Variants in SPAG17 observed in about 807,000 individuals in gnomAD.
The protein encoded by SPAG17 is sperm-associated antigen 17.
A neutral mutation model predicts 273.6 loss-of-function variants in SPAG17; 169 were observed. The ratio of observed to expected loss-of-function variants is 0.62; its 90% CI spans 0.55 to 0.70. SPAG17 has a LOEUF of 0.70. Ranked by LOEUF, SPAG17 falls within the 30% of genes least tolerant of loss-of-function variation. The pLI is 0.00. For synonymous variants in SPAG17, 825 were observed against 873.2 expected (o/e 0.94, Z 0.97); for missense variants, 2,557 against 2,627.8 (o/e 0.97, Z 0.59).
At chr1:118,024,099 C>A (rs1479493303) in intron 27 of SPAG17, among the ~76,000 whole-genome samples, 2 of 152,074 alleles carry the variant, frequency 1.3e-5, no homozygotes, top group East Asian at 3.9e-4. Context: ...TTTAGGTAAT[C>A]CTTTAAAGAT....
At chr1:117,988,735 A>C (rs1444794721) in intron 38 of SPAG17, among the ~76,000 whole-genome samples, 1 of 152,218 alleles carries the variant, frequency 6.6e-6, no homozygotes, top group Admixed American at 6.5e-5. Flanking sequence ...GATTTATCCA[A>C]GGTTAAATAG....
At chr1:118,106,972 G>A (rs1164660620) in intron 4 of SPAG17, among the ~76,000 whole-genome samples, 1 of 152,128 alleles carries the variant, frequency 6.6e-6, no homozygotes, top group Non-Finnish European at 1.5e-5. Context: ...TTGGGATTCT[G>A]GGATTCTGCA....
At chr1:118,011,068 G>T (rs1056217377) in intron 30 of SPAG17, among the ~76,000 whole-genome samples, 2 of 152,070 alleles carry the variant, frequency 1.3e-5, no homozygotes, top group African/African-American at 4.8e-5. Context: ...AGGCCAAAAA[G>T]TAACAGATGC....
At chr1:118,132,992 C>T (rs996356772) in intron 3 of SPAG17, among the ~76,000 whole-genome samples, 12 of 151,992 alleles carry the variant, frequency 7.9e-5, no homozygotes, top group African/African-American at 2.7e-4. Flanking sequence ...AGGATGGTCT[C>T]GATCTCTTGC....
At chr1:118,052,132 T>C (rs1651120756) in intron 20 of SPAG17, among the ~76,000 whole-genome samples, 1 of 146,266 alleles carries the variant, frequency 6.8e-6, no homozygotes, top group Non-Finnish European at 1.5e-5. Context: ...TACTATTATA[T>C]ATAAACTATA....
chr1:118,036,412 T>C (rs905802343), intron 24 of SPAG17, among the ~76,000 whole-genome samples: 3 of 152,074 alleles, frequency 2.0e-5, no homozygotes, highest in Admixed American at 6.6e-5. Context: ...TTTTATGGGG[T>C]AGTTAACAAG....
intron 48 of SPAG17, chr1:117,958,820 C>A: frequency 1.8e-6 from 1 of 544,402 alleles, no homozygotes; most frequent in East Asian, 4.2e-5. Context: ...TTTGTTGTTG[C>A]TTTGATATTG....
intron 1 of SPAG17, among the ~76,000 whole-genome samples, chr1:118,160,078 A>T (rs1659840352): frequency 6.6e-6 from 1 of 152,232 alleles, no homozygotes; most frequent in African/African-American, 2.4e-5. Context: ...GAGGAGACCA[A>T]GAAAAGCCAA....
intron 3 of SPAG17, among the ~76,000 whole-genome samples, chr1:118,123,687 CCA>C (rs1570734299): frequency 6.6e-6 from 1 of 152,278 alleles, no homozygotes; most frequent in East Asian, 1.9e-4. Context: ...TAAAATAATT[CCA>C]GTCATTGGAC....
At chr1:118,031,959 G>C (rs1310819828) in intron 24 of SPAG17, 92 bp from the exon 25 acceptor site, 1 of 1,017,000 alleles carries the variant, frequency 9.8e-7, no homozygotes, top group Non-Finnish European at 1.4e-6. Context: ...ATTTACACAA[G>C]TTGACAACAA....
At chr1:118,090,875 C>G (rs1655328873) in intron 10 of SPAG17, among the ~76,000 whole-genome samples, 1 of 150,998 alleles carries the variant, frequency 6.6e-6, no homozygotes, top group East Asian at 1.9e-4. Flanking sequence ...AGAGAGAGAC[C>G]CTGTCTTAAA....
intron 1 of SPAG17, among the ~76,000 whole-genome samples, chr1:118,183,810 A>G (rs1426009138): frequency 6.6e-6 from 1 of 152,220 alleles, no homozygotes; most frequent in Non-Finnish European, 1.5e-5. Context: ...TGGCCTACAC[A>G]ATCTCAAAGA....
intron 3 of SPAG17, among the ~76,000 whole-genome samples, chr1:118,146,361 T>C (rs1283007576): frequency 2.6e-5 from 4 of 152,210 alleles, no homozygotes; most frequent in Non-Finnish European, 5.9e-5. Context: ...AGATTTTCTA[T>C]GTGGGCCATA....
In SPAG17 at chr1:117,990,854, AACTT is replaced by A; in HGVS notation, c.5521+3_5521+6del. ...TATACTGCAGAAGAATATTAAATGC[AACTT>A]ACCTTCAGTAACATGACTTTTTGTA... is the stretch of plus-strand genomic sequence containing the variant. On this transcript the variant is annotated splice_donor_5th_base_variant and intron_variant, in intron 38 of 48. Coordinates refer to ENST00000336338, the MANE Select transcript of SPAG17 (RefSeq NM_206996.4). The A allele has an allele frequency of 6.4e-7, 1 of 1,559,476 alleles. No homozygotes were observed. The highest frequency in any genetic ancestry group is 8.7e-7 in the Non-Finnish European group (1 of 1,142,942).
intron 1 of SPAG17, among the ~76,000 whole-genome samples, chr1:118,154,074 G>C (rs556862297): frequency 1.3e-5 from 2 of 151,970 alleles, no homozygotes; most frequent in Non-Finnish European, 1.5e-5. Flanking sequence ...CGAAACTCAC[G>C]GGTCCCTGAA....
At chr1:118,046,404 A>G (rs1650359524) in intron 20 of SPAG17, among the ~76,000 whole-genome samples, 1 of 152,182 alleles carries the variant, frequency 6.6e-6, no homozygotes, top group Non-Finnish European at 1.5e-5. Flanking sequence ...TTTAATTTGT[A>G]GCAACACAAA....
intron 48 of SPAG17, among the ~76,000 whole-genome samples, chr1:117,958,125 A>G (rs546470224): frequency 3.3e-4 from 50 of 152,184 alleles, no homozygotes; most frequent in Non-Finnish European, 6.2e-4. Context: ...TGAAGACAAA[A>G]ACTGGTCAGC....
In SPAG17 at chr1:117,954,450, ACT is replaced by A. The variant is rs1440240165; in HGVS notation, c.*1-403_*1-402del. On this transcript the variant is annotated intron_variant, in intron 48 of 48. Coordinates refer to ENST00000336338, the MANE Select transcript of SPAG17 (RefSeq NM_206996.4). ...CTAACAGGTTTGATAATTCTTTTAC[ACT>A]CTGTCAGTTTTTTAGGGTCTCTTTT... The A allele has an allele frequency of 1.2e-5, 10 of 827,850 alleles. No homozygotes were observed. The East Asian group carries it at 2.6e-4, about 21-fold the overall frequency. The allele number at this position is 827,850 out of a possible 1,614,324, so 51.3% of individuals were successfully genotyped here. A position where few individuals can be genotyped will look rare whatever the true frequency, so the allele number is the denominator to read the frequency against.
chr1:118,157,998 C>A (rs2102364828), intron 1 of SPAG17, among the ~76,000 whole-genome samples: 1 of 152,210 alleles, frequency 6.6e-6, no homozygotes, highest in African/African-American at 2.4e-5. Context: ...ATCAGAATAT[C>A]AACAGTTGCA....
Sources: allele counts gnomAD v4.1 joint callset (sites outside exome capture counted in the v4.1 genomes callset), GRCh38; gene constraint gnomAD v4.1.1; transcripts MANE v1.5; gene names NCBI Gene and HGNC (gene_info 2026-07-23, HGNC 2026-07-21).